Variants in RAB11FIP4 observed in about 807,000 individuals in gnomAD.
RAB11FIP4 encodes the protein RAB11 family interacting protein 4.
Under a neutral mutation model 74.3 loss-of-function variants are expected in RAB11FIP4, and 23 were observed. The ratio of observed to expected loss-of-function variants is 0.31; its 90% CI spans 0.22 to 0.44. The LOEUF is 0.44. Among genes scored for constraint, RAB11FIP4 ranks in the 20% least tolerant of loss-of-function variants. The pLI is 1.00. For synonymous variants in RAB11FIP4, 360 were observed against 359.9 expected (o/e 1.00, Z 0.00); for missense variants, 630 against 863.9 (o/e 0.73, Z 3.39).
At chr17:31,423,429 A>G (rs912786251) in intron 1 of RAB11FIP4, among the ~76,000 whole-genome samples, 6 of 152,144 alleles carry the variant, frequency 3.9e-5, no homozygotes, top group Middle Eastern at 3.2e-3. Flanking sequence ...GTGCATTGGC[A>G]TGATCATGGC....
chr17:31,448,389 C>G (rs2071489694), intron 3 of RAB11FIP4: 1 of 52,576 alleles, frequency 1.9e-5, no homozygotes, highest in African/African-American at 9.7e-5. Flanking sequence ...CCACATCCAG[C>G]TAATTTTTTT....
chr17:31,514,608 C>T (rs760724363), intron 3 of RAB11FIP4, among the ~76,000 whole-genome samples: 132 of 152,362 alleles, frequency 8.7e-4, no homozygotes, highest in Non-Finnish European at 1.6e-3. Flanking sequence ...TGAGCTCTCA[C>T]ATGAGCCACA....
chr17:31,467,171 G>A (rs934974157), intron 3 of RAB11FIP4, among the ~76,000 whole-genome samples: 2 of 151,938 alleles, frequency 1.3e-5, no homozygotes, highest in Admixed American at 6.6e-5. Context: ...GGAGTGCAGT[G>A]GCATGATGTC....
In RAB11FIP4 at chr17:31,512,102, C is replaced by A. The variant is rs11080160; in HGVS notation, c.337-5549C>A. On this transcript the variant is annotated intron_variant, in intron 3 of 14. Transcript: ENST00000621161. The surrounding 1 kb of genome is among the most constrained non-coding windows in gnomAD (Gnocchi z 4.1). ...GCTTGGCTTCTCTGAGGAGGGTGGGCGTCCCTCCTGGCTGCTCGTCTGTCC... is the reference window on the plus strand; with the variant it reads ...GCTTGGCTTCTCTGAGGAGGGTGGGAGTCCCTCCTGGCTGCTCGTCTGTCC... Among the ~76,000 whole-genome samples the A allele has an allele frequency of 0.4, 60,746 of 151,968 alleles. 12,634 individuals are homozygous for A. The highest frequency in any genetic ancestry group is 0.58 in the South Asian group (2,808 of 4,822).
At chr17:31,412,238 A>G (rs1330516275) in intron 1 of RAB11FIP4, among the ~76,000 whole-genome samples, 1 of 152,202 alleles carries the variant, frequency 6.6e-6, no homozygotes, top group Admixed American at 6.5e-5. Context: ...TGCCATGGAA[A>G]TGGCCCATTT....
chr17:31,479,104 G>T (rs2071822321), intron 3 of RAB11FIP4, among the ~76,000 whole-genome samples: 2 of 152,180 alleles, frequency 1.3e-5, no homozygotes, highest in Non-Finnish European at 2.9e-5. Context: ...TTTGTTTCAT[G>T]AGTGCAGTAA....
At chr17:31,394,555 G>A (rs867310461) in intron 1 of RAB11FIP4, among the ~76,000 whole-genome samples, 6 of 151,280 alleles carry the variant, frequency 4.0e-5, no homozygotes, top group African/African-American at 9.7e-5. Flanking sequence ...GGAAGCATTC[G>A]GGCCTGTTGT....
At chr17:31,431,608 TG>T in intron 1 of RAB11FIP4, 2 of 525,920 alleles carry the variant, frequency 3.8e-6, no homozygotes, top group Non-Finnish European at 3.3e-6. Flanking sequence ...GAGCCGGTGT[TG>T]GCTCTGCTTT....
chr17:31,521,060 A>T, intron 4 of RAB11FIP4, 106 bp from the exon 5 acceptor site: 1 of 856,278 alleles, frequency 1.2e-6, no homozygotes, highest in Non-Finnish European at 1.8e-6. Flanking sequence ...CTACAAACTT[A>T]ATCGGTAGTG....
intron 3 of RAB11FIP4, among the ~76,000 whole-genome samples, chr17:31,458,901 C>A (rs909111006): frequency 4.6e-5 from 7 of 152,174 alleles, no homozygotes; most frequent in Admixed American, 6.5e-5. Flanking sequence ...AGCCCAGGAG[C>A]TGAAGACCTG....
chr17:31,407,774 T>G, intron 1 of RAB11FIP4, among the ~76,000 whole-genome samples: 1 of 152,208 alleles, frequency 6.6e-6, no homozygotes, highest in Admixed American at 6.5e-5. Context: ...CTGAGTTCAA[T>G]CACTTGATTA....
At chr17:31,413,389 G>A (rs1050469970) in intron 1 of RAB11FIP4, among the ~76,000 whole-genome samples, 1 of 152,098 alleles carries the variant, frequency 6.6e-6, no homozygotes, top group African/African-American at 2.4e-5. Flanking sequence ...TGTCAACAGA[G>A]GGCCTCACAC....
chr17:31,464,847 G>A (rs1157668150), intron 3 of RAB11FIP4, among the ~76,000 whole-genome samples: 2 of 131,354 alleles, frequency 1.5e-5, no homozygotes, highest in South Asian at 5.2e-4. Flanking sequence ...TATAACCTCC[G>A]CCTCCCAGGC....
chr17:31,486,062 C>T (rs879262189), intron 3 of RAB11FIP4, among the ~76,000 whole-genome samples: 4 of 151,744 alleles, frequency 2.6e-5, no homozygotes, highest in Non-Finnish European at 4.4e-5. Context: ...GGTGAAACCC[C>T]GTCTCTACTA....
chr17:31,499,446 C>G (rs1246160814), intron 3 of RAB11FIP4, among the ~76,000 whole-genome samples: 1 of 152,116 alleles, frequency 6.6e-6, no homozygotes, highest in Non-Finnish European at 1.5e-5. Context: ...ACCTCCTACT[C>G]CCTGGTTCAA....
At chr17:31,442,330 G>T (rs2071414214) in intron 3 of RAB11FIP4, among the ~76,000 whole-genome samples, 2 of 152,134 alleles carry the variant, frequency 1.3e-5, no homozygotes. Flanking sequence ...ACGTAATTTG[G>T]GGAATGAACA....
intron 3 of RAB11FIP4, among the ~76,000 whole-genome samples, chr17:31,491,728 G>A (rs1021989791): frequency 6.6e-6 from 1 of 152,186 alleles, no homozygotes; most frequent in Non-Finnish European, 1.5e-5. Context: ...GGAGGAGGAG[G>A]AGAGGGGACT....
chr17:31,528,786 T>A lies in RAB11FIP4; in HGVS notation c.1653+8T>A. The A allele has an allele frequency of 6.2e-7, 1 of 1,603,122 alleles. No homozygotes were observed. The highest frequency in any genetic ancestry group is 1.3e-5 in the African/African-American group (1 of 74,886). ...GTCAAGCGGCTCAAGCAGGTGGGTC[T>A]AGCAGTCTCTGTGTCCAGTGGGGCA... On this transcript the variant is annotated splice_region_variant and intron_variant, in intron 13 of 14. Transcript: ENST00000621161.
chr17:31,521,006 T>G (rs1259550764), intron 4 of RAB11FIP4, 160 bp from the exon 5 acceptor site: 3 of 514,586 alleles, frequency 5.8e-6, no homozygotes, highest in African/African-American at 5.8e-5. Flanking sequence ...GTGAGATGTT[T>G]CCCTTTAGAT....
Sources: gnomAD v4.1 joint callset for allele counts (sites outside exome capture counted in the v4.1 genomes callset) on GRCh38, gnomAD v4.1.1 for gene constraint, Gnocchi (gnomAD v3.1) non-coding constraint, MANE v1.5 for transcripts, NCBI Gene and HGNC (gene_info 2026-07-23, HGNC 2026-07-21) for gene names.